The following WWTR1 variants were observed in gnomAD, a reference collection of about 807,000 sequenced individuals.
WWTR1 encodes the protein WW domain containing transcription regulator 1, also known as WW domain-containing transcription regulator protein 1.
Under a neutral mutation model 40.1 loss-of-function variants are expected in WWTR1, and 13 were observed. The ratio of observed to expected loss-of-function variants is 0.32; its 90% confidence interval spans 0.21 to 0.52. The LOEUF (loss-of-function observed/expected upper bound fraction) is 0.52. Among genes scored for constraint, WWTR1 ranks in the 20% least tolerant of loss-of-function variants. The probability of loss-of-function intolerance (pLI) is 0.97; values close to 1 mark genes in which losing one functional copy is unlikely to be tolerated. For missense variants in WWTR1, 436 were observed against 523.1 expected, an observed-to-expected ratio of 0.83 and a Z score of 1.63; for synonymous variants, 230 against 210.1, an observed-to-expected ratio of 1.09 and a Z score of -0.82.
intron 2 of WWTR1, among the ~76,000 whole-genome samples, chr3:149,576,468 C>T (rs1461514308): frequency 1.3e-5 from 2 of 152,084 alleles, no homozygotes; most frequent in Admixed American, 6.6e-5. Flanking sequence ...TGCCAGGACC[C>T]ACAATTTAGC....
chr3:149,598,549 C>T (rs578105862), intron 2 of WWTR1, among the ~76,000 whole-genome samples: 65 of 152,168 alleles, frequency 4.3e-4, no homozygotes, highest in Non-Finnish European at 8.4e-4. Context: ...TCCCAAATTG[C>T]TTGGATTACA....
intron 2 of WWTR1, among the ~76,000 whole-genome samples, chr3:149,621,545 T>A (rs1008490492): frequency 2.0e-5 from 3 of 152,136 alleles, no homozygotes; most frequent in Non-Finnish European, 4.4e-5. Context: ...GATGTGTTAA[T>A]CAAGGTAACC....
chr3:149,678,902 C>T (rs1028479654), intron 1 of WWTR1, among the ~76,000 whole-genome samples: 1 of 150,408 alleles, frequency 6.6e-6, no homozygotes, highest in African/African-American at 2.4e-5. Context: ...GTGATCTCGG[C>T]TCACTGCAAC....
chr3:149,618,046 C>A (rs548577545), intron 2 of WWTR1, among the ~76,000 whole-genome samples: 2 of 152,240 alleles, frequency 1.3e-5, no homozygotes, highest in African/African-American at 4.8e-5. Flanking sequence ...CCTTAATTAA[C>A]AAAGAACTAT....
At position 149,606,472 on chromosome 3, in the gene WWTR1, T is replaced by C. The variant is rs116338197; in HGVS notation, c.432-33472A>G. 1.6e-3 allele frequency among the ~76,000 whole-genome samples: 242 copies of C among 152,218 alleles called. 1 individual carries two copies. Among genetic ancestry groups the C allele is most frequent in the African/African-American group, 5.5e-3 (230 of 41,520 alleles). ...TCTAGTCAGTAAACATTATAATATA[T>C]AGGTCATGAAACACTGAGGTCTACA... On this transcript the variant is annotated intron_variant, in intron 2 of 6. Transcript: ENST00000360632.
chr3:149,624,882 T>A (rs1171525569), intron 2 of WWTR1, among the ~76,000 whole-genome samples: 1 of 151,130 alleles, frequency 6.6e-6, no homozygotes, highest in Non-Finnish European at 1.5e-5. Context: ...TTTATTTATT[T>A]TATTTTATTT....
At chr3:149,543,811 G>A (rs1373711357) in intron 3 of WWTR1, among the ~76,000 whole-genome samples, 6 of 150,412 alleles carry the variant, frequency 4.0e-5, no homozygotes, top group Non-Finnish European at 7.4e-5. Flanking sequence ...AGAAAACAAG[G>A]TATAATTTTA....
At chr3:149,671,453 A>AGC (rs1459301167) in intron 1 of WWTR1, among the ~76,000 whole-genome samples, 3 of 152,232 alleles carry the variant, frequency 2.0e-5, no homozygotes, top group African/African-American at 7.2e-5. Context: ...AAGCCTCTTC[A>AGC]AAAGTTTCTG....
At chr3:149,596,509 G>A (rs943462357) in intron 2 of WWTR1, among the ~76,000 whole-genome samples, 3 of 152,076 alleles carry the variant, frequency 2.0e-5, no homozygotes, top group East Asian at 3.9e-4. Context: ...TCTGTGGCTC[G>A]CTGACCTCAG....
chr3:149,693,815 C>T (rs753092672), intron 1 of WWTR1, among the ~76,000 whole-genome samples: 26 of 152,148 alleles, frequency 1.7e-4, no homozygotes, highest in Non-Finnish European at 3.5e-4. Flanking sequence ...AACTAGATTA[C>T]TATCTCTTGA....
At chr3:149,662,854 C>G (rs145663458), upstream of WWTR1, among the ~76,000 whole-genome samples, 9 of 152,186 alleles carry the variant, frequency 5.9e-5, no homozygotes, top group African/African-American at 2.2e-4. Flanking sequence ...CTGACCCAAG[C>G]ATATTTGGCC....
chr3:149,609,361 C>T (rs747506763), intron 2 of WWTR1, among the ~76,000 whole-genome samples: 11 of 152,306 alleles, frequency 7.2e-5, no homozygotes, highest in African/African-American at 1.4e-4. Flanking sequence ...GAAATTATTG[C>T]GCTAGTTCAC....
chr3:149,711,684 T>G (rs1209110799), intron 5 of WWTR1, among the ~76,000 whole-genome samples: 1 of 152,210 alleles, frequency 6.6e-6, no homozygotes, highest in African/African-American at 2.4e-5. Flanking sequence ...TCTCACCTAT[T>G]TTATCAGCAG....
intron 2 of WWTR1, among the ~76,000 whole-genome samples, chr3:149,593,960 G>C (rs1225796214): frequency 6.6e-6 from 1 of 152,184 alleles, no homozygotes; most frequent in African/African-American, 2.4e-5. Flanking sequence ...GGATGTTAGA[G>C]TAGGTACCCT....
chr3:149,574,796 A>T (rs1013975919), intron 2 of WWTR1, among the ~76,000 whole-genome samples: 14 of 95,494 alleles, frequency 1.5e-4, no homozygotes, highest in East Asian at 4.9e-4. Context: ...AAATGTGATT[A>T]AAAAAAAAAA....
At chr3:149,535,595 C>G (rs1190102067) in intron 4 of WWTR1, among the ~76,000 whole-genome samples, 1 of 151,800 alleles carries the variant, frequency 6.6e-6, no homozygotes, top group Non-Finnish European at 1.5e-5. Flanking sequence ...ATTTGTTGCT[C>G]TTTTTACTCA....
intron 5 of WWTR1, among the ~76,000 whole-genome samples, chr3:149,711,066 C>G (rs1309126336): frequency 6.6e-6 from 1 of 151,692 alleles, no homozygotes; most frequent in Non-Finnish European, 1.5e-5. Flanking sequence ...ATAAACTCCA[C>G]CCAAATTGAT....
intron 1 of WWTR1, among the ~76,000 whole-genome samples, chr3:149,680,221 T>A (rs1450800490): frequency 6.6e-6 from 1 of 152,176 alleles, no homozygotes; most frequent in Admixed American, 6.5e-5. Context: ...AGAGCTGTTG[T>A]GAATATCAAA....
chr3:149,564,873 T>G (rs115633930), intron 3 of WWTR1, among the ~76,000 whole-genome samples: 21 of 152,332 alleles, frequency 1.4e-4, no homozygotes, highest in African/African-American at 5.1e-4. Context: ...TCTATATCCA[T>G]TATTTCACTG....
Sources: gnomAD v4.1 joint callset for allele counts (sites outside exome capture counted in the v4.1 genomes callset) on GRCh38, gnomAD v4.1.1 for gene constraint, MANE v1.5 for transcripts, NCBI Gene and HGNC (gene_info 2026-07-23, HGNC 2026-07-21) for gene names.